C5orf47: variants seen among roughly 807,000 people sequenced by gnomAD.
The protein encoded by C5orf47 is chromosome 5 open reading frame 47.
C5orf47 carries 20 observed loss-of-function variants against 20.6 expected under a neutral mutation model. That is an observed-to-expected ratio of 0.97 (90% CI 0.68 to 1.41). C5orf47 has a LOEUF of 1.41. Among genes scored for constraint, C5orf47 ranks in the 40% most tolerant of loss-of-function variants. The probability of loss-of-function intolerance (pLI) is 0.00; values close to 1 mark genes in which losing one functional copy is unlikely to be tolerated. For synonymous variants in C5orf47, 106 were observed against 97.3 expected, an observed-to-expected ratio of 1.09 and a Z score of -0.53; for missense variants, 262 against 238.4, an observed-to-expected ratio of 1.10 and a Z score of -0.65.
chr5:173,989,300 G>C lies in C5orf47; in HGVS notation c.37G>C (p.Ala13Pro). The stretch of plus-strand genomic sequence containing the variant: ...AGGCCGGGGTCGGGAGCAGGACTCG[G>C]CGCGCTTCGTCTATGTGACGCGCTT... ...AAGRGREQDS[A>P]RFVYVTRFGS... Residue 13 changes from alanine (A) to proline (P), a missense_variant, in exon 1 of 5, where the codon GCG (alanine) becomes CCG (proline). By Grantham distance (27) the Ala-to-Pro change is conservative. Coordinates refer to ENST00000340147, the MANE Select transcript of C5orf47 (RefSeq NM_001144954.2). 4.3e-6 allele frequency: 6 copies of C among 1,402,294 alleles called. No homozygotes were observed. Among genetic ancestry groups the C allele is most frequent in the Non-Finnish European group, 5.6e-6 (6 of 1,073,074 alleles). 86.9% of individuals were successfully genotyped at this position (1,402,294 alleles called of 1,614,324 possible). A position where few individuals can be genotyped will look rare whatever the true frequency, so the allele number is the denominator to read the frequency against.
intron 1 of C5orf47, among the ~76,000 whole-genome samples, chr5:173,992,149 C>T (rs1182687746): frequency 3.4e-5 from 5 of 147,586 alleles, no homozygotes; most frequent in Admixed American, 6.9e-5. Context: ...TGGTTATTTC[C>T]CTCTTGTCAT....
At chr5:173,990,279 CTTTT>C (rs534896300) in intron 1 of C5orf47, among the ~76,000 whole-genome samples, 1 of 38,356 alleles carries the variant, frequency 2.6e-5, no homozygotes, top group African/African-American at 1.2e-4. Context: ...TGCCCAGCTA[CTTTT>C]TTTATCTTTT....
In C5orf47 at chr5:173,992,081, T is replaced by C. The variant is rs148531128; in HGVS notation, c.325+2493T>C. ...TCTCATCTGGGTTTCCAAATTCGTT[T>C]GCATAGATGTCTGCAAAGTAGTGTC... On this transcript the variant is annotated intron_variant, in intron 1 of 4. Coordinates refer to ENST00000340147, the MANE Select transcript of C5orf47 (RefSeq NM_001144954.2). Among the ~76,000 whole-genome samples the C allele has an allele frequency of 4.6e-3, 704 of 152,334 alleles. 6 individuals are homozygous for C. The highest frequency in any genetic ancestry group is 0.016 in the African/African-American group (668 of 41,576).
At chr5:173,991,470 T>C (rs1296695897) in intron 1 of C5orf47, among the ~76,000 whole-genome samples, 1 of 151,876 alleles carries the variant, frequency 6.6e-6, no homozygotes, top group Non-Finnish European at 1.5e-5. Context: ...TTTCAAATAT[T>C]ACAAAGTATC....
intron 1 of C5orf47, among the ~76,000 whole-genome samples, chr5:173,990,545 C>T (rs1225014111): frequency 6.6e-6 from 1 of 152,112 alleles, no homozygotes; most frequent in Non-Finnish European, 1.5e-5. Context: ...AGCGATTCTC[C>T]TGCCTCAGCC....
chr5:174,004,103 T>C (rs1382569069), intron 4 of C5orf47, among the ~76,000 whole-genome samples, 168 bp from the exon 5 acceptor site: 1 of 152,230 alleles, frequency 6.6e-6, no homozygotes. Context: ...TTGAGTCTGT[T>C]GGAAACTTTT....
At chr5:174,008,908 C>A (rs1759332329), downstream of C5orf47, among the ~76,000 whole-genome samples, 2 of 151,456 alleles carry the variant, frequency 1.3e-5, no homozygotes, top group Non-Finnish European at 2.9e-5. Context: ...TCTTGAGGCA[C>A]CAAATGACTG....
rs375109134 is a variant in C5orf47 at position 173,992,088 on chromosome 5, A to G, written c.325+2500A>G. Among the ~76,000 whole-genome samples the G allele has an allele frequency of 2.1e-4, 32 of 152,150 alleles. No individual in the cohort carries two copies. The East Asian group carries it at 2.3e-3, about 11-fold the overall frequency. On this transcript the variant is annotated intron_variant, in intron 1 of 4. Coordinates refer to ENST00000340147, the MANE Select transcript of C5orf47 (RefSeq NM_001144954.2). Reference sequence around the variant, plus strand: ...TGGGTTTCCAAATTCGTTTGCATAGATGTCTGCAAAGTAGTGTCTTATGAT... The same window carrying G: ...TGGGTTTCCAAATTCGTTTGCATAGGTGTCTGCAAAGTAGTGTCTTATGAT...
At chr5:173,997,214 A>C (rs1232802234) in intron 1 of C5orf47, among the ~76,000 whole-genome samples, 1 of 152,176 alleles carries the variant, frequency 6.6e-6, no homozygotes, top group African/African-American at 2.4e-5. Flanking sequence ...AAAGCTAAGT[A>C]TTGAAAGAGT....
chr5:174,006,991 A>G (rs1488810589), downstream of C5orf47, among the ~76,000 whole-genome samples: 1 of 152,122 alleles, frequency 6.6e-6, no homozygotes, highest in Non-Finnish European at 1.5e-5. Context: ...GACAGGCCTC[A>G]AAGGTTCTCT....
At chr5:173,999,170 A>G (rs1239724035) in intron 2 of C5orf47, among the ~76,000 whole-genome samples, 1 of 152,186 alleles carries the variant, frequency 6.6e-6, no homozygotes, top group African/African-American at 2.4e-5. Context: ...CAACTGGAAA[A>G]TGGCAAAGCT....
At chr5:173,999,035 C>A (rs1216372165) in intron 2 of C5orf47, among the ~76,000 whole-genome samples, 1 of 152,162 alleles carries the variant, frequency 6.6e-6, no homozygotes, top group Non-Finnish European at 1.5e-5. Context: ...TCAATACTTC[C>A]TTTTAATTAC....
At chr5:173,998,965 T>G (rs1042031805) in intron 2 of C5orf47, among the ~76,000 whole-genome samples, 3 of 152,334 alleles carry the variant, frequency 2.0e-5, no homozygotes, top group Admixed American at 2.0e-4. Flanking sequence ...TTTCCCACTG[T>G]ACTAAGAGAT....
chr5:173,989,441 G>A lies in C5orf47; in HGVS notation c.178G>A (p.Val60Met). 6.5e-7 allele frequency: 1 copy of A among 1,549,672 alleles called. No homozygotes were observed. Among genetic ancestry groups the A allele is most frequent in the African/African-American group, 1.4e-5 (1 of 73,060 alleles). The change falls in exon 1 of 5, where the codon GTG becomes ATG. Residue 60 changes from valine (V) to methionine (M), a missense_variant. Transcript: ENST00000340147. ...GGAGAAGCCGAGGGAAGCAATGGCG[G>A]TGGCGGGCGTTCAGGGTGGCAGCGA... Reference protein sequence around the residue: ...RQEKPREAMAVAGVQGGSELP... With the variant: ...RQEKPREAMAMAGVQGGSELP...
chr5:173,990,083 T>G lies in C5orf47; in HGVS notation c.325+495T>G, dbSNP rs146880636. 6.1e-3 allele frequency among the ~76,000 whole-genome samples: 925 copies of G among 152,302 alleles called. 3 individuals carry two copies. The highest frequency in any genetic ancestry group is 0.02 in the African/African-American group (836 of 41,564). On this transcript the variant is annotated intron_variant, in intron 1 of 4. Transcript: ENST00000340147. ...TTGCTGTTGTAAATGGGGTTTCTTT[T>G]TACGAAATGCCCTCTAAATGCTCAC...
chr5:174,008,027 G>A (rs1759319829), downstream of C5orf47, among the ~76,000 whole-genome samples: 1 of 152,156 alleles, frequency 6.6e-6, no homozygotes, highest in East Asian at 1.9e-4. Context: ...TGCTCCCAAG[G>A]GTGGAAGATA....
At chr5:174,007,310 G>A (rs1449030220), downstream of C5orf47, among the ~76,000 whole-genome samples, 1 of 152,146 alleles carries the variant, frequency 6.6e-6, no homozygotes, top group Non-Finnish European at 1.5e-5. Context: ...GGAGGAGGGT[G>A]ACAAATTATT....
At chr5:174,008,966 TA>T (rs926667971), downstream of C5orf47, among the ~76,000 whole-genome samples, 22 of 151,954 alleles carry the variant, frequency 1.4e-4, no homozygotes, top group African/African-American at 4.1e-4. Flanking sequence ...ACTTACCAAG[TA>T]AAAAAAATTG....
chr5:173,998,385 G>A, intron 2 of C5orf47, 147 bp downstream of exon 2: 1 of 551,530 alleles, frequency 1.8e-6, no homozygotes, highest in Non-Finnish European at 3.2e-6. Flanking sequence ...AAGTAATTCA[G>A]AAGAAATGGA....
Sources: gnomAD v4.1 joint callset for allele counts (sites outside exome capture counted in the v4.1 genomes callset) on GRCh38, gnomAD v4.1.1 for gene constraint, MANE v1.5 for transcripts, NCBI Gene and HGNC (gene_info 2026-07-23, HGNC 2026-07-21) for gene names.